The following BEND5 variants were observed in gnomAD, a reference collection of about 807,000 sequenced individuals.
BEND5 encodes the protein BEN domain containing 5.
A neutral mutation model predicts 43.9 loss-of-function variants in BEND5; 22 were observed. The ratio of observed to expected loss-of-function variants is 0.50; its 90% CI spans 0.36 to 0.72. BEND5 has a LOEUF of 0.72. Among genes scored for constraint, BEND5 ranks in the 30% least tolerant of loss-of-function variants. The pLI, the probability that BEND5 is intolerant of heterozygous loss-of-function variation, is 0.00. For synonymous variants in BEND5, 228 were observed against 225.9 expected, an observed-to-expected ratio of 1.01 and a Z score of -0.08; for missense variants, 428 against 550.6, an observed-to-expected ratio of 0.78 and a Z score of 2.23.
rs747568526 is a variant in BEND5 at position 48,742,675 on chromosome 1, T to C, written c.842A>G (p.Tyr281Cys). Residue 281 changes from tyrosine (Y) to cysteine (C), a missense_variant, in exon 4 of 6, where the codon TAT (tyrosine) becomes TGT (cysteine). Tyr to Cys is a radical substitution (Grantham distance 194). Coordinates refer to ENST00000371833, the MANE Select transcript of BEND5 (RefSeq NM_024603.4). ...TFSEEANTSS[Y>C]YPAPAPVMDK... ...CATGACAGGCGCAGGAGCGGGGTAA[T>C]AGGACGACGTATTTGCTTCCTCACT... 22 of 1,610,174 alleles carry C rather than the reference T, an allele frequency of 1.4e-5. No individual in the cohort carries two copies. The highest frequency in any genetic ancestry group is 1.7e-4 in the Middle Eastern group (1 of 6,060).
chr1:48,772,395 C>T (rs1644880012), intron 1 of BEND5, among the ~76,000 whole-genome samples: 1 of 152,180 alleles, frequency 6.6e-6, no homozygotes, highest in South Asian at 2.1e-4. Context: ...CACATGTCTA[C>T]CTTCCCCACC....
At chr1:48,750,734 G>A (rs1287157671) in intron 3 of BEND5, among the ~76,000 whole-genome samples, 2 of 152,228 alleles carry the variant, frequency 1.3e-5, no homozygotes, top group Non-Finnish European at 2.9e-5. Flanking sequence ...AGGCTGCACT[G>A]GAAGGCAGTG....
intron 5 of BEND5, among the ~76,000 whole-genome samples, chr1:48,730,617 A>G (rs1409346137): frequency 6.6e-6 from 1 of 152,182 alleles, no homozygotes; most frequent in Non-Finnish European, 1.5e-5. Flanking sequence ...AGGAGCCCCC[A>G]TAGAATTTCA....
At position 48,761,319 on chromosome 1, in the gene BEND5, A is replaced by C; in HGVS notation, c.360+18T>G. The C allele has an allele frequency of 6.5e-7, 1 of 1,540,612 alleles. No homozygotes were observed. Among genetic ancestry groups the C allele is most frequent in the Non-Finnish European group, 8.8e-7 (1 of 1,142,278 alleles). Reference sequence around the variant, plus strand: ...AAATGCTCCAGCATACCTCCAAAGAAAGGAAAGATTTTGTTACCTTGATGT... The same window carrying C: ...AAATGCTCCAGCATACCTCCAAAGACAGGAAAGATTTTGTTACCTTGATGT... On this transcript the variant is annotated intron_variant, in intron 2 of 5. Transcript: ENST00000371833.
At chr1:48,738,248 T>C (rs1649374174) in intron 4 of BEND5, among the ~76,000 whole-genome samples, 1 of 152,208 alleles carries the variant, frequency 6.6e-6, no homozygotes, top group Non-Finnish European at 1.5e-5. Context: ...ACAATCTACC[T>C]GCACGTCTGA....
intron 3 of BEND5, among the ~76,000 whole-genome samples, chr1:48,747,977 T>C (rs189936748): frequency 6.6e-6 from 1 of 152,304 alleles, no homozygotes; most frequent in Admixed American, 6.5e-5. Context: ...TGTAAGTAGA[T>C]AGGAAGTTTC....
chr1:48,764,488 G>T (rs568027851), intron 1 of BEND5, among the ~76,000 whole-genome samples: 2 of 152,258 alleles, frequency 1.3e-5, no homozygotes, highest in South Asian at 2.1e-4. Flanking sequence ...AATGGGGAAG[G>T]GGGGGAAATA....
intron 4 of BEND5, among the ~76,000 whole-genome samples, chr1:48,742,129 G>T (rs533763300): frequency 2.6e-5 from 4 of 152,346 alleles, no homozygotes; most frequent in African/African-American, 9.6e-5. Context: ...GGGGATAAGG[G>T]AGTATGTCTT....
chr1:48,751,254 T>C (rs1424241561), intron 3 of BEND5, among the ~76,000 whole-genome samples: 1 of 152,142 alleles, frequency 6.6e-6, no homozygotes, highest in Non-Finnish European at 1.5e-5. Flanking sequence ...GCTTTTAAAT[T>C]AAGCAGGAAA....
chr1:48,742,997 T>C (rs558795689), intron 3 of BEND5, among the ~76,000 whole-genome samples: 1 of 152,264 alleles, frequency 6.6e-6, no homozygotes, highest in African/African-American at 2.4e-5. Context: ...CTAATCAAGT[T>C]TGAATGAAGA....
chr1:48,761,538 C>T (rs1006254346), intron 1 of BEND5, 68 bp from the exon 2 acceptor site: 73 of 1,447,384 alleles, frequency 5.0e-5, no homozygotes, highest in Non-Finnish European at 6.5e-5. Flanking sequence ...TTTAGAATGC[C>T]CAAAACCTCA....
intron 1 of BEND5, among the ~76,000 whole-genome samples, chr1:48,769,932 T>C (rs1001821432): frequency 6.6e-6 from 1 of 152,220 alleles, no homozygotes; most frequent in Non-Finnish European, 1.5e-5. Flanking sequence ...CTCTCTAAAA[T>C]TTCCTCTTCA....
chr1:48,767,852 TTCC>T (rs763398424), intron 1 of BEND5, among the ~76,000 whole-genome samples: 1 of 152,216 alleles, frequency 6.6e-6, no homozygotes. Context: ...CATTATCCTT[TTCC>T]TCCTCCTTTC....
intron 3 of BEND5, 149 bp downstream of exon 3, chr1:48,758,751 T>C: frequency 3.1e-6 from 2 of 644,606 alleles, no homozygotes; most frequent in Non-Finnish European, 4.9e-6. Flanking sequence ...GGGGAGTGAC[T>C]CTTCCTTGAG....
chr1:48,769,703 CTAACAGT>C (rs1570606279), intron 1 of BEND5, among the ~76,000 whole-genome samples: 1 of 152,112 alleles, frequency 6.6e-6, no homozygotes, highest in Non-Finnish European at 1.5e-5. Flanking sequence ...ACTGTAGTTC[CTAACAGT>C]TATCTATATT....
Position 48,761,442 on chromosome 1 carries a change from C to A in BEND5, c.255G>T (p.Val85=). 6.4e-7 allele frequency: 1 copy of A among 1,551,256 alleles called. No homozygotes were observed. Among genetic ancestry groups the A allele is most frequent in the Non-Finnish European group, 8.7e-7 (1 of 1,146,880 alleles). Residue 85 remains valine, a synonymous_variant, in exon 2 of 6, where the codon GTG becomes GTT. Transcript: ENST00000371833. The part of the protein sequence containing the change: ...AEDKSDLENS[V]MQKKIKIPKL... ...TGGGGATTTTTATTTTCTTCTGCAT[C>A]ACACTGTTTTCAAGGTCAGATTTGT...
At chr1:48,735,049 G>A (rs968231485) in intron 5 of BEND5, among the ~76,000 whole-genome samples, 15 of 152,172 alleles carry the variant, frequency 9.9e-5, no homozygotes, top group African/African-American at 3.1e-4. Flanking sequence ...TTCCTTGTCC[G>A]TAAAATAGGA....
chr1:48,759,669 G>T (rs1194879414), intron 2 of BEND5, among the ~76,000 whole-genome samples: 1 of 152,222 alleles, frequency 6.6e-6, no homozygotes, highest in African/African-American at 2.4e-5. Flanking sequence ...ATATGTATTT[G>T]TGGAGAATCA....
chr1:48,745,173 TGA>T (rs536064689), intron 3 of BEND5, among the ~76,000 whole-genome samples: 2 of 152,022 alleles, frequency 1.3e-5, no homozygotes, highest in Non-Finnish European at 2.9e-5. Flanking sequence ...CTTCATGACA[TGA>T]GAGGGGAGGA....
Sources: allele counts gnomAD v4.1 joint callset (sites outside exome capture counted in the v4.1 genomes callset), GRCh38; gene constraint gnomAD v4.1.1; transcripts MANE v1.5; gene names NCBI Gene and HGNC (gene_info 2026-07-23, HGNC 2026-07-21).